IGFBP4: variants seen among roughly 807,000 people sequenced by gnomAD.
IGFBP4 encodes the protein insulin like growth factor binding protein 4, also known as insulin-like growth factor-binding protein 4.
Under a neutral mutation model 25.8 loss-of-function variants are expected in IGFBP4, and 9 were observed. That is an observed-to-expected ratio of 0.35 (90% confidence interval 0.21 to 0.61). The LOEUF is 0.61. Among genes scored for constraint, IGFBP4 ranks in the 20% least tolerant of loss-of-function variants. The pLI is 0.77. For synonymous variants in IGFBP4, 153 were observed against 153.9 expected (o/e 0.99, Z 0.05); for missense variants, 315 against 365.3 (o/e 0.86, Z 1.12).
intron 3 of IGFBP4, 49 bp downstream of exon 3, chr17:40,454,111 A>G: frequency 6.3e-7 from 1 of 1,581,066 alleles, no homozygotes. Context: ...GCTCTGGGGC[A>G]TTTCCGGCCT....
intron 1 of IGFBP4, among the ~76,000 whole-genome samples, chr17:40,449,299 T>C (rs1226154460): frequency 6.6e-6 from 1 of 152,162 alleles, no homozygotes; most frequent in Non-Finnish European, 1.5e-5. Flanking sequence ...AATAATCCTC[T>C]GAGGGTTAGT....
intron 1 of IGFBP4, among the ~76,000 whole-genome samples, chr17:40,450,187 A>G (rs2035674328): frequency 6.6e-6 from 1 of 151,980 alleles, no homozygotes; most frequent in Non-Finnish European, 1.5e-5. Flanking sequence ...TTTTGTAGAG[A>G]TAGGGTTTCA....
intron 1 of IGFBP4, among the ~76,000 whole-genome samples, chr17:40,451,797 T>C (rs942283087): frequency 6.6e-5 from 10 of 152,208 alleles, no homozygotes; most frequent in Admixed American, 5.9e-4. Flanking sequence ...GTTCTGGGAC[T>C]CAAGCATGGG....
At chr17:40,448,597 G>C (rs2035664482) in intron 1 of IGFBP4, among the ~76,000 whole-genome samples, 1 of 152,204 alleles carries the variant, frequency 6.6e-6, no homozygotes, top group Non-Finnish European at 1.5e-5. Context: ...CAGGTGGCTG[G>C]AACTCTTGTG....
Position 40,456,635 on chromosome 17 carries a change from G to C in IGFBP4, c.*52G>C. 2 of 1,563,706 alleles carry C rather than the reference G, an allele frequency of 1.3e-6. No individual in the cohort carries two copies. The highest frequency in any genetic ancestry group is 1.7e-6 in the Non-Finnish European group (2 of 1,149,888). On this transcript the variant is annotated 3_prime_UTR_variant, in exon 4 of 4. Transcript: ENST00000269593. The stretch of plus-strand genomic sequence containing the variant: ...CGTCCCCTGCTACTCCTGTGCTCTG[G>C]AGGCTGCAGAGCTGACCCAGAGTGG...
At chr17:40,454,260 A>T (rs1048220780) in intron 3 of IGFBP4, among the ~76,000 whole-genome samples, 198 bp downstream of exon 3, 1 of 152,178 alleles carries the variant, frequency 6.6e-6, no homozygotes, top group Non-Finnish European at 1.5e-5. Context: ...TGATCCAGAG[A>T]GGAGTAAAAG....
At chr17:40,445,505 C>T (rs968616263) in intron 1 of IGFBP4, among the ~76,000 whole-genome samples, 4 of 152,188 alleles carry the variant, frequency 2.6e-5, no homozygotes, top group Non-Finnish European at 4.4e-5. Flanking sequence ...GCTTGTCAGC[C>T]GAGGAGAGCA....
intron 1 of IGFBP4, 128 bp from the exon 2 acceptor site, chr17:40,452,857 G>C: frequency 3.0e-6 from 2 of 668,896 alleles, no homozygotes; most frequent in Non-Finnish European, 4.7e-6. Flanking sequence ...CGCTCCCCAG[G>C]CCCCCTGCTC....
intron 1 of IGFBP4, among the ~76,000 whole-genome samples, chr17:40,449,451 T>TA (rs200454529): frequency 2.7e-4 from 40 of 147,002 alleles, no homozygotes; most frequent in Admixed American, 4.7e-4. Context: ...CCCTGTCTCT[T>TA]AAAAAAAAAA....
intron 3 of IGFBP4, 131 bp from the exon 4 acceptor site, chr17:40,456,318 A>C (rs773625932): frequency 1.4e-5 from 12 of 838,400 alleles, no homozygotes; most frequent in Non-Finnish European, 2.3e-5. Context: ...AAAAAGAGTC[A>C]CCACCCTCAG....
chr17:40,453,005 C>T lies in IGFBP4; in HGVS notation c.370C>T (p.Pro124Ser). The T allele has an allele frequency of 1.3e-6, 2 of 1,563,638 alleles. No homozygotes were observed. The highest frequency in any genetic ancestry group is 1.7e-6 in the Non-Finnish European group (2 of 1,152,382). ...TACAGACAAGGACGAGGGTGACCAC[C>T]CCAACAACAGCTTCAGCCCCTGTAG... is the stretch of plus-strand genomic sequence containing the variant. The part of the protein sequence containing the change: ...QPSDKDEGDH[P>S]NNSFSPCSAH... Residue 124 changes from proline to serine, a missense_variant, in exon 2 of 4, where the codon CCC becomes TCC. Coordinates refer to ENST00000269593, the MANE Select transcript of IGFBP4 (RefSeq NM_001552.3). The surrounding 1 kb of genome is among the most constrained non-coding windows in gnomAD (Gnocchi z 4.0).
chr17:40,451,315 G>A (rs758257435), intron 1 of IGFBP4, among the ~76,000 whole-genome samples: 10 of 151,948 alleles, frequency 6.6e-5, no homozygotes, highest in Non-Finnish European at 8.8e-5. Flanking sequence ...GCTCTCCACC[G>A]TAACAAAATC....
chr17:40,447,471 T>C (rs1018337315), intron 1 of IGFBP4, among the ~76,000 whole-genome samples: 7 of 152,216 alleles, frequency 4.6e-5, no homozygotes, highest in African/African-American at 1.7e-4. Flanking sequence ...CTGGGTTAAT[T>C]TTTAGTCAAT....
intron 3 of IGFBP4, among the ~76,000 whole-genome samples, chr17:40,454,986 G>T (rs1304308711): frequency 2.0e-5 from 3 of 152,192 alleles, no homozygotes; most frequent in African/African-American, 7.2e-5. Flanking sequence ...GGCATGAAAA[G>T]GGTATGAGTG....
At chr17:40,454,102 C>A (rs1398656442) in intron 3 of IGFBP4, 40 bp downstream of exon 3, 3 of 1,589,860 alleles carry the variant, frequency 1.9e-6, no homozygotes, top group South Asian at 2.3e-5. Context: ...CTGGACTCAG[C>A]TCTGGGGCAT....
chr17:40,450,095 C>A (rs1013655752), intron 1 of IGFBP4, among the ~76,000 whole-genome samples: 1 of 152,126 alleles, frequency 6.6e-6, no homozygotes, highest in Non-Finnish European at 1.5e-5. Flanking sequence ...GCAGCCTCGA[C>A]CTCCTGGGTT....
intron 1 of IGFBP4, among the ~76,000 whole-genome samples, chr17:40,444,322 C>T (rs1419142102): frequency 1.3e-5 from 2 of 152,178 alleles, no homozygotes; most frequent in African/African-American, 2.4e-5. Flanking sequence ...CTCAAACCTC[C>T]AAGGGTTGTC....
chr17:40,448,317 G>T (rs1448994151), intron 1 of IGFBP4, among the ~76,000 whole-genome samples: 1 of 152,282 alleles, frequency 6.6e-6, no homozygotes, highest in East Asian at 1.9e-4. Context: ...GCAGCCGGTG[G>T]TGCCAAAGCC....
At chr17:40,452,035 G>A (rs555145668) in intron 1 of IGFBP4, among the ~76,000 whole-genome samples, 2 of 152,202 alleles carry the variant, frequency 1.3e-5, no homozygotes, top group Non-Finnish European at 2.9e-5. Context: ...ATGGGGTCTT[G>A]CCATGTTGCC....
Sources: allele counts gnomAD v4.1 joint callset (sites outside exome capture counted in the v4.1 genomes callset), GRCh38; gene constraint gnomAD v4.1.1; non-coding constraint Gnocchi (gnomAD v3.1); transcripts MANE v1.5; gene names NCBI Gene and HGNC (gene_info 2026-07-23, HGNC 2026-07-21).